The following SECISBP2L variants were observed in gnomAD, a reference collection of about 807,000 sequenced individuals.
SECISBP2L encodes the protein selenocysteine insertion sequence-binding protein 2-like.
In SECISBP2L, 43 loss-of-function variants were observed where a neutral mutation model predicts 114.7. The ratio of observed to expected loss-of-function variants is 0.38; its 90% CI spans 0.29 to 0.48. The LOEUF (loss-of-function observed/expected upper bound fraction) is 0.48, where lower values mean the gene tolerates loss of function less well. SECISBP2L is among the 20% of genes least tolerant of loss of function. SECISBP2L has a pLI of 0.98. For synonymous variants in SECISBP2L, 451 were observed against 439.7 expected, an observed-to-expected ratio of 1.03 and a Z score of -0.32; for missense variants, 1,136 against 1,301.1, an observed-to-expected ratio of 0.87 and a Z score of 1.95.
chr15:49,003,806 A>G (rs1427756143), intron 14 of SECISBP2L, among the ~76,000 whole-genome samples: 1 of 152,192 alleles, frequency 6.6e-6, no homozygotes, highest in Admixed American at 6.5e-5. Context: ...ATCGTGGTCG[A>G]TAAGCTTTTT....
At chr15:49,001,238 ACTT>A (rs574599639) in intron 14 of SECISBP2L, 141 bp from the exon 15 acceptor site, 18 of 585,490 alleles carry the variant, frequency 3.1e-5, no homozygotes, top group Non-Finnish European at 5.0e-5. Context: ...AGTGTTTAAA[ACTT>A]CTTAAATCCT....
chr15:49,016,660 A>G lies in SECISBP2L; in HGVS notation c.1461T>C (p.Pro487=), dbSNP rs1902542752. ...SKAAGKKNKT[P]VQLDLGDMLA... ...ACATGTCCCCTAAATCTAGCTGCAC[A>G]GGTGTTTTATTCTTTTTTCCAGCTG... The change falls in exon 11 of 18, where the codon CCT becomes CCC. Residue 487 remains proline, a synonymous_variant. Transcript: ENST00000559471. 1.9e-6 allele frequency: 3 copies of G among 1,603,508 alleles called. No individual in the cohort carries two copies. The highest frequency in any genetic ancestry group is 2.6e-6 in the Non-Finnish European group (3 of 1,175,614).
intron 13 of SECISBP2L, among the ~76,000 whole-genome samples, chr15:49,011,336 A>C (rs1335509632): frequency 1.3e-5 from 2 of 152,344 alleles, no homozygotes; most frequent in Admixed American, 6.5e-5. Context: ...ATTCCATGAA[A>C]GCAAGAAAAT....
In SECISBP2L at chr15:49,046,431, A is replaced by G; in HGVS notation, c.-132T>C. ...CCCTATCTGGCTGGCCGCGACACCG[A>G]TTCGGCTACGCCACTGGCCGAGGAG... On this transcript the variant is annotated 5_prime_UTR_variant, in exon 1 of 18. Coordinates refer to ENST00000559471, the MANE Select transcript of SECISBP2L (RefSeq NM_001193489.2). 1 of 1,012,904 alleles carries G rather than the reference A, an allele frequency of 9.9e-7. No homozygotes were observed. Among genetic ancestry groups the G allele is most frequent in the Non-Finnish European group, 1.4e-6 (1 of 740,418 alleles). 62.7% of individuals were successfully genotyped at this position (1,012,904 alleles called of 1,614,324 possible).
chr15:49,045,720 A>G (rs1903233224), intron 1 of SECISBP2L, among the ~76,000 whole-genome samples: 2 of 152,226 alleles, frequency 1.3e-5, no homozygotes, highest in African/African-American at 4.8e-5. Context: ...AATTCTTTGC[A>G]AAATAACTGG....
intron 4 of SECISBP2L, among the ~76,000 whole-genome samples, chr15:49,032,534 T>G (rs1236810300): frequency 1.3e-5 from 2 of 152,262 alleles, no homozygotes; most frequent in African/African-American, 4.8e-5. Flanking sequence ...TTGGTTCAGA[T>G]CTATGCTAAA....
chr15:49,035,408 T>C lies in SECISBP2L; in HGVS notation c.454A>G (p.Ser152Gly), dbSNP rs1377674489. 1.2e-6 allele frequency: 2 copies of C among 1,614,202 alleles called. No homozygotes were observed. Among genetic ancestry groups the C allele is most frequent in the East Asian group, 2.2e-5 (1 of 44,888 alleles). Residue 152 changes from serine to glycine, a missense_variant, in exon 3 of 18, where the codon AGT becomes GGT. Around this residue, in one of 2 missense-constraint regions of SECISBP2L, gnomAD observed 452 missense variants for 452.3 expected, o/e 1.00. Coordinates refer to ENST00000559471, the MANE Select transcript of SECISBP2L (RefSeq NM_001193489.2). Reference sequence around the variant, plus strand: ...AATGGGAAGACCTGTCCAAGCTGACTTGGACGCTCAGTGCATTCTGTGGTG... The same window carrying C: ...AATGGGAAGACCTGTCCAAGCTGACCTGGACGCTCAGTGCATTCTGTGGTG... ...AITTECTERP[S>G]QLGQVFPLSS...
Position 49,028,477 on chromosome 15 carries a change from T to A in SECISBP2L, c.870A>T (p.Arg290Ser). ...SNNQPAAGAL[R>S]NPDSGTMNHV... ...CATTCATGGTCCCAGAATCAGGATT[T>A]CTCAAAGCCCCTGCTGCAGGCTGGT... The change falls in exon 5 of 18, where the codon AGA (arginine) becomes AGT (serine). Residue 290 changes from arginine to serine, a missense_variant. By Grantham distance (110) the Arg-to-Ser change is moderately radical (BLOSUM62 -1). Coordinates refer to ENST00000559471, the MANE Select transcript of SECISBP2L (RefSeq NM_001193489.2). 1 of 1,614,162 alleles carries A rather than the reference T, an allele frequency of 6.2e-7. No homozygotes were observed. The highest frequency in any genetic ancestry group is 8.5e-7 in the Non-Finnish European group (1 of 1,180,010).
intron 7 of SECISBP2L, among the ~76,000 whole-genome samples, chr15:49,021,662 A>T (rs1902641785): frequency 6.6e-6 from 1 of 152,238 alleles, no homozygotes. Flanking sequence ...AACCAGAATT[A>T]GTATATATGT....
chr15:49,033,772 CA>C (rs1452467937), intron 3 of SECISBP2L, among the ~76,000 whole-genome samples: 1 of 152,174 alleles, frequency 6.6e-6, no homozygotes, highest in Non-Finnish European at 1.5e-5. Context: ...TTTGAGATTA[CA>C]GTGAGCAATG....
chr15:48,994,175 A>G (rs988600374), intron 17 of SECISBP2L, among the ~76,000 whole-genome samples: 3 of 151,990 alleles, frequency 2.0e-5, no homozygotes, highest in Non-Finnish European at 2.9e-5. Flanking sequence ...CATTTACACA[A>G]TCTCAAAGCA....
rs1020587214 is a variant in SECISBP2L at position 49,035,554 on chromosome 15, G to A, written c.308C>T (p.Ser103Phe). 6.2e-7 allele frequency: 1 copy of A among 1,614,230 alleles called. No homozygotes were observed. Among genetic ancestry groups the A allele is most frequent in the African/African-American group, 1.3e-5 (1 of 75,064 alleles). ...YPIISAQPPV[S>F]TEYTYYQLMP... ...CAGCTGATAATATGTATACTCTGTAGAAACAGGCGGCTGAGCAGATATAAT... is the reference window on the plus strand; with the variant it reads ...CAGCTGATAATATGTATACTCTGTAAAAACAGGCGGCTGAGCAGATATAAT... Residue 103 changes from serine to phenylalanine, a missense_variant, in exon 3 of 18, where the codon TCT (serine) becomes TTT (phenylalanine). Physicochemically the swap from Ser to Phe is radical, Grantham distance 155. Around this residue, in one of 2 missense-constraint regions of SECISBP2L, gnomAD observed 452 missense variants for 452.3 expected, o/e 1.00. Transcript: ENST00000559471.
At chr15:49,014,721 A>G (rs978006419) in intron 11 of SECISBP2L, among the ~76,000 whole-genome samples, 1 of 148,982 alleles carries the variant, frequency 6.7e-6, no homozygotes, top group African/African-American at 2.4e-5. Flanking sequence ...TATATATTAA[A>G]AAGATATATA....
At chr15:49,045,878 A>G (rs185970327) in intron 1 of SECISBP2L, among the ~76,000 whole-genome samples, 121 of 152,286 alleles carry the variant, frequency 7.9e-4, no homozygotes, top group African/African-American at 2.6e-3. Context: ...ATTCTCTTAC[A>G]GTCTTTCTGG....
chr15:49,017,691 C>T, intron 8 of SECISBP2L, 63 bp from the exon 9 acceptor site: 1 of 1,094,124 alleles, frequency 9.1e-7, no homozygotes, highest in Non-Finnish European at 1.3e-6. Flanking sequence ...TTTTATAATG[C>T]TTAGAAGTAT....
At chr15:49,004,497 T>G (rs190523667) in intron 14 of SECISBP2L, among the ~76,000 whole-genome samples, 1 of 152,320 alleles carries the variant, frequency 6.6e-6, no homozygotes, top group Admixed American at 6.5e-5. Flanking sequence ...TGCTCTTGCT[T>G]CTCTAGTTCT....
At chr15:49,026,856 T>C (rs938646323) in intron 7 of SECISBP2L, among the ~76,000 whole-genome samples, 2 of 152,220 alleles carry the variant, frequency 1.3e-5, no homozygotes, top group Non-Finnish European at 2.9e-5. Context: ...GGGTAGTTCA[T>C]GGCAGTGCAC....
chr15:49,032,846 A>G, intron 4 of SECISBP2L, 119 bp downstream of exon 4: 5 of 1,270,880 alleles, frequency 3.9e-6, no homozygotes, highest in Non-Finnish European at 4.3e-6. Flanking sequence ...ACAAAGTGGC[A>G]GGACAAATGA....
At chr15:49,044,955 T>A (rs1277697266) in intron 1 of SECISBP2L, among the ~76,000 whole-genome samples, 1 of 152,204 alleles carries the variant, frequency 6.6e-6, no homozygotes, top group Non-Finnish European at 1.5e-5. Flanking sequence ...CAAGGAAAAT[T>A]CGTATTCATT....
Sources: gnomAD v4.1 joint callset for allele counts (sites outside exome capture counted in the v4.1 genomes callset) on GRCh38, gnomAD v4.1.1 for gene constraint, gnomAD v4.1.1 regional missense constraint, MANE v1.5 for transcripts, NCBI Gene and HGNC (gene_info 2026-07-23, HGNC 2026-07-21) for gene names.